The following MCM8 variants were observed in gnomAD, a reference collection of about 807,000 sequenced individuals.
MCM8 encodes DNA helicase MCM8.
MCM8 carries 85 observed loss-of-function variants against 98.9 expected under a neutral mutation model. The observed-to-expected ratio is 0.86, with a 90% CI of 0.72 to 1.03. The LOEUF (loss-of-function observed/expected upper bound fraction) is 1.03, where lower values mean the gene tolerates loss of function less well. Among genes scored for constraint, MCM8 ranks in the 50% least tolerant of loss-of-function variants. The pLI is 0.00. For missense variants in MCM8, 951 were observed against 997.8 expected (o/e 0.95, Z 0.63); for synonymous variants, 352 against 338.6 (o/e 1.04, Z -0.44).
intron 7 of MCM8, among the ~76,000 whole-genome samples, chr20:5,961,234 A>G (rs1419954127): frequency 6.6e-6 from 1 of 152,146 alleles, no homozygotes; most frequent in East Asian, 1.9e-4. Context: ...CTAGTGATCT[A>G]ATTTTTAGGT....
chr20:5,985,889 C>G, intron 15 of MCM8, 33 bp from the exon 16 acceptor site: 3 of 1,602,074 alleles, frequency 1.9e-6, no homozygotes, highest in Middle Eastern at 1.7e-4. Flanking sequence ...GCTACTTATC[C>G]TTGTTATCTT....
At chr20:5,968,127 G>A in intron 10 of MCM8, 102 bp downstream of exon 10, 1 of 887,038 alleles carries the variant, frequency 1.1e-6, no homozygotes, top group Non-Finnish European at 1.8e-6. Context: ...GCAAACTACA[G>A]TCCATGTACC....
intron 13 of MCM8, among the ~76,000 whole-genome samples, chr20:5,980,168 T>C (rs891275576): frequency 1.3e-5 from 2 of 152,314 alleles, no homozygotes; most frequent in East Asian, 1.9e-4. Flanking sequence ...TTTTAACTTA[T>C]AACCTCCCCT....
rs922349103 is a variant in MCM8 at position 5,988,587 on chromosome 20, T to A, written c.2240+1229T>A. ...TGTGACTACATATCTATATATTCTT[T>A]TTTCCCCTTTGTAGACAAATGGTAA... On this transcript the variant is annotated intron_variant, in intron 17 of 18. Coordinates refer to ENST00000610722, the MANE Select transcript of MCM8 (RefSeq NM_032485.6). 3.3e-5 allele frequency among the ~76,000 whole-genome samples: 5 copies of A among 152,196 alleles called. No homozygotes were observed. In the East Asian group the frequency reaches 9.6e-4, roughly 29 times the overall value.
In MCM8 at chr20:5,978,369, G is replaced by A. The variant is rs542174259; in HGVS notation, c.1537+352G>A. ...TTTGAAGCTTTGTAGTAAGCTCCCT[G>A]TATGGTGGGATTTGGATGTCTTGTG... is the stretch of plus-strand genomic sequence containing the variant. On this transcript the variant is annotated intron_variant, in intron 13 of 18. Transcript: ENST00000610722. 3.3e-5 allele frequency among the ~76,000 whole-genome samples: 5 copies of A among 152,234 alleles called. No individual in the cohort carries two copies. In the South Asian group the frequency reaches 1.0e-3, roughly 32 times the overall value.
chr20:5,960,649 T>C (rs1018770431), intron 7 of MCM8, among the ~76,000 whole-genome samples: 1 of 152,196 alleles, frequency 6.6e-6, no homozygotes, highest in Non-Finnish European at 1.5e-5. Context: ...AAGAAGCCGT[T>C]CTTCGGCTGG....
chr20:5,959,202 ATAATG>A (rs1184026129), intron 7 of MCM8, among the ~76,000 whole-genome samples: 3 of 151,822 alleles, frequency 2.0e-5, no homozygotes, highest in Non-Finnish European at 2.9e-5. Context: ...AGTGCAGAGA[ATAATG>A]TAATTAACAT....
chr20:5,960,728 G>A (rs984442104), intron 7 of MCM8, among the ~76,000 whole-genome samples: 2 of 147,880 alleles, frequency 1.4e-5, no homozygotes, highest in African/African-American at 5.3e-5. Context: ...CTGAGGTCAG[G>A]AGTTGAAGAC....
Position 5,994,329 on chromosome 20 carries a change from C to T in MCM8, c.2461C>T (p.Leu821=), listed in dbSNP as rs199969078. Residue 821 remains leucine (L), a synonymous_variant, in exon 19 of 19, where the codon CTA becomes TTA. Transcript: ENST00000610722. ...TGATTTTGAAAATTTTATTGGATCA[C>T]TAAATGACCAGGGTTACCTCTTGAA... ...VADFENFIGS[L]NDQGYLLKKG... is the part of the protein sequence containing the mutation. The T allele has an allele frequency of 2.4e-4, 389 of 1,605,458 alleles. No homozygotes were observed. The highest frequency in any genetic ancestry group is 3.3e-4 in the Non-Finnish European group (384 of 1,176,752).
Position 5,971,991 on chromosome 20 carries a change from G to A in MCM8, c.1224-16G>A, listed in dbSNP as rs766620146. 8.1e-6 allele frequency: 13 copies of A among 1,608,730 alleles called. No homozygotes were observed. The highest frequency in any genetic ancestry group is 1.7e-4 in the Middle Eastern group (1 of 6,052). On this transcript the variant is annotated splice_polypyrimidine_tract_variant and intron_variant, in intron 10 of 18. Coordinates refer to ENST00000610722, the MANE Select transcript of MCM8 (RefSeq NM_032485.6). ...AAGTATAAATTAGAATTTATAAGTT[G>A]TGTTCTGTTTTTCAGCTCGCTTTGC...
Position 5,958,727 on chromosome 20 carries a change from G to T in MCM8, c.789+1G>T, listed in dbSNP as rs199767517. 2.5e-6 allele frequency: 4 copies of T among 1,613,438 alleles called. No homozygotes were observed. Among genetic ancestry groups the T allele is most frequent in the African/African-American group, 1.3e-5 (1 of 74,956 alleles). On this transcript the variant is annotated splice_donor_variant, in intron 7 of 18. Coordinates refer to ENST00000610722, the MANE Select transcript of MCM8 (RefSeq NM_032485.6). LOFTEE classifies it high-confidence loss of function. ...TGGAAAATACAGTCTTCCCACAAAG[G>T]TAATACGTTCTTTAACTGCTTCTTT... is the stretch of plus-strand genomic sequence containing the variant.
At chr20:5,964,285 G>C (rs138682187) in intron 8 of MCM8, among the ~76,000 whole-genome samples, 1 of 151,988 alleles carries the variant, frequency 6.6e-6, no homozygotes, top group Non-Finnish European at 1.5e-5. Context: ...GAAATGAGAT[G>C]GTCCTAAGAA....
chr20:5,969,549 G>A (rs751960541), intron 10 of MCM8, among the ~76,000 whole-genome samples: 4 of 147,956 alleles, frequency 2.7e-5, no homozygotes, highest in African/African-American at 5.0e-5. Context: ...CTGAAATCGC[G>A]CCACTGCACT....
At chr20:5,975,706 G>T (rs1480678727) in intron 12 of MCM8, among the ~76,000 whole-genome samples, 1 of 151,232 alleles carries the variant, frequency 6.6e-6, no homozygotes, top group Admixed American at 6.6e-5. Context: ...CCATGTTAGC[G>T]AGGAGGGTCT....
At chr20:5,959,121 A>G (rs1174741315) in intron 7 of MCM8, among the ~76,000 whole-genome samples, 1 of 151,632 alleles carries the variant, frequency 6.6e-6, no homozygotes, top group Non-Finnish European at 1.5e-5. Context: ...TATTTCTTCT[A>G]CTATTTAGAA....
rs1339833254 is a variant in MCM8, at chr20:5,998,180, G to C, written c.*3789G>C. On this transcript the variant is annotated 3_prime_UTR_variant, in exon 19 of 19. Coordinates refer to ENST00000610722, the MANE Select transcript of MCM8 (RefSeq NM_032485.6). ...ATGGATATTGACTAGCCAAAGAGGTGGATAAATGTAGATACAATGATACGG... is the reference window on the plus strand; with the variant it reads ...ATGGATATTGACTAGCCAAAGAGGTCGATAAATGTAGATACAATGATACGG... 6.6e-6 allele frequency: 1 copy of C among 152,158 alleles called. No homozygotes were observed. The highest frequency in any genetic ancestry group is 1.5e-5 in the Non-Finnish European group (1 of 68,032). The allele number at this position is 152,158 out of a possible 1,614,324, so 9.4% of individuals were successfully genotyped here. A position where few individuals can be genotyped will look rare whatever the true frequency, so the allele number is the denominator to read the frequency against.
At chr20:5,972,101 A>G in intron 11 of MCM8, 64 bp downstream of exon 11, 1 of 1,337,568 alleles carries the variant, frequency 7.5e-7, no homozygotes. Flanking sequence ...ACATATAAAA[A>G]CTTTACAGAA....
At chr20:5,966,935 C>G (rs564491928) in intron 8 of MCM8, among the ~76,000 whole-genome samples, 1 of 152,288 alleles carries the variant, frequency 6.6e-6, no homozygotes, top group South Asian at 2.1e-4. Context: ...CAAAAATTCT[C>G]AACAGCTATT....
chr20:5,975,486 C>G (rs1471170115), intron 12 of MCM8, among the ~76,000 whole-genome samples: 2 of 146,398 alleles, frequency 1.4e-5, no homozygotes, highest in African/African-American at 5.3e-5. Context: ...ATAAAACTTC[C>G]TTTTTTTGCT....
Sources: allele counts gnomAD v4.1 joint callset (sites outside exome capture counted in the v4.1 genomes callset), GRCh38; gene constraint gnomAD v4.1.1; transcripts MANE v1.5; gene names NCBI Gene and HGNC (gene_info 2026-07-23, HGNC 2026-07-21).